Variants in HERC3 observed in about 807,000 individuals in gnomAD.
HERC3 encodes HECT and RLD domain containing E3 ubiquitin protein ligase 3, also known as probable E3 ubiquitin-protein ligase HERC3.
Under a neutral mutation model 129.9 loss-of-function variants are expected in HERC3, and 58 were observed. The observed-to-expected ratio is 0.45, with a 90% CI of 0.36 to 0.56. The LOEUF is 0.56. Among genes scored for constraint, HERC3 ranks in the 20% least tolerant of loss-of-function variants. The pLI, the probability that HERC3 is intolerant of heterozygous loss-of-function variation, is 0.00. For synonymous variants in HERC3, 430 were observed against 451.0 expected (o/e 0.95, Z 0.59); for missense variants, 835 against 1,244.2 (o/e 0.67, Z 4.95).
intron 23 of HERC3, among the ~76,000 whole-genome samples, chr4:88,687,959 T>G (rs1395630218): frequency 6.6e-6 from 1 of 152,206 alleles, no homozygotes; most frequent in Non-Finnish European, 1.5e-5. Flanking sequence ...ATCAATTTAC[T>G]TTACAAACAC....
chr4:88,662,327 G>C, intron 10 of HERC3, 104 bp from the exon 11 acceptor site: 1 of 1,168,456 alleles, frequency 8.6e-7, no homozygotes, highest in Non-Finnish European at 1.2e-6. Context: ...GCAGCATTTA[G>C]ATCATAAGTG....
chr4:88,540,921 T>C, the HERC3 span, among the ~76,000 whole-genome samples: 12 of 152,234 alleles, frequency 7.9e-5, no homozygotes, highest in South Asian at 8.3e-4. Context: ...CAGGCCTGCC[T>C]TACAAGAGCT....
chr4:88,597,636 T>C (rs1379757749), intron 2 of HERC3, among the ~76,000 whole-genome samples: 1 of 152,228 alleles, frequency 6.6e-6, no homozygotes, highest in Non-Finnish European at 1.5e-5. Flanking sequence ...GTCTCGTTGG[T>C]GTCTTTTGAA....
At position 88,707,171 on chromosome 4, in the gene HERC3, C is replaced by G. The variant is rs1470701458; in HGVS notation, c.*211C>G. Reference sequence around the variant, plus strand: ...GGTTGGGGATGGGGTGAAAAATTGGCCCTTGTATGGGAGGTGTTTTTGTTT... The same window carrying G: ...GGTTGGGGATGGGGTGAAAAATTGGGCCTTGTATGGGAGGTGTTTTTGTTT... On this transcript the variant is annotated 3_prime_UTR_variant, in exon 26 of 26. Coordinates refer to ENST00000402738, the MANE Select transcript of HERC3 (RefSeq NM_014606.3). 8.8e-6 allele frequency: 5 copies of G among 565,834 alleles called. No homozygotes were observed. The highest frequency in any genetic ancestry group is 1.6e-5 in the Non-Finnish European group (5 of 318,460). The allele number at this position is 565,834 out of a possible 1,614,324, so 35.1% of individuals were successfully genotyped here. A position where few individuals can be genotyped will look rare whatever the true frequency, so the allele number is the denominator to read the frequency against.
chr4:88,579,254 A>G, the HERC3 span, among the ~76,000 whole-genome samples: 1 of 146,594 alleles, frequency 6.8e-6, no homozygotes, highest in Non-Finnish European at 1.5e-5. Flanking sequence ...TATATATATG[A>G]AAGTTAGCCA....
chr4:88,538,312 A>G, the HERC3 span, among the ~76,000 whole-genome samples: 2 of 152,206 alleles, frequency 1.3e-5, no homozygotes, highest in Non-Finnish European at 2.9e-5. Context: ...ACTGTACACC[A>G]TGGAGTATCG....
At chr4:88,585,241 G>T in the HERC3 span, among the ~76,000 whole-genome samples, 3 of 152,202 alleles carry the variant, frequency 2.0e-5, no homozygotes, top group African/African-American at 7.2e-5. Context: ...CACCCTGGGG[G>T]TTAGGATTTC....
At chr4:88,609,969 C>T (rs1724109534) in intron 3 of HERC3, among the ~76,000 whole-genome samples, 1 of 152,140 alleles carries the variant, frequency 6.6e-6, no homozygotes, top group Middle Eastern at 3.2e-3. Context: ...TAACTTCCTG[C>T]CGTTGCCATG....
At chr4:88,543,609 A>G in the HERC3 span, among the ~76,000 whole-genome samples, 1 of 152,212 alleles carries the variant, frequency 6.6e-6, no homozygotes, top group Non-Finnish European at 1.5e-5. Flanking sequence ...GGAACCAAAA[A>G]AGAGCCTGCA....
the HERC3 span, among the ~76,000 whole-genome samples, chr4:88,554,317 C>T: frequency 6.8e-6 from 1 of 146,598 alleles, no homozygotes; most frequent in Non-Finnish European, 1.5e-5. Flanking sequence ...TGCACTCCAG[C>T]CTGGGCGACA....
chr4:88,691,113 G>A (rs1238425410), intron 23 of HERC3, among the ~76,000 whole-genome samples: 1 of 152,172 alleles, frequency 6.6e-6, no homozygotes, highest in South Asian at 2.1e-4. Context: ...CATGAAAGGT[G>A]CTCTGTAAAG....
At chr4:88,697,548 A>C in intron 23 of HERC3, 1 of 1,614,032 alleles carries the variant, frequency 6.2e-7, no homozygotes, top group Non-Finnish European at 8.5e-7. Flanking sequence ...GGCTCTCGAT[A>C]AAGTCATTTT....
At chr4:88,658,253 C>G in intron 9 of HERC3, 162 bp from the exon 10 acceptor site, 1 of 420,518 alleles carries the variant, frequency 2.4e-6, no homozygotes, top group Non-Finnish European at 4.2e-6. Flanking sequence ...GAAGTAGAAA[C>G]AGTCCTAGGC....
chr4:88,706,302 C>T (rs768630218), intron 25 of HERC3, among the ~76,000 whole-genome samples: 1 of 152,176 alleles, frequency 6.6e-6, no homozygotes, highest in Non-Finnish European at 1.5e-5. Flanking sequence ...CACAAGAGTG[C>T]AATGTCTAAC....
chr4:88,664,131 C>G lies in HERC3; in HGVS notation c.1272-22C>G. The G allele has an allele frequency of 1.9e-6, 3 of 1,601,232 alleles. No individual in the cohort carries two copies. In the African/African-American group the frequency reaches 4.0e-5, roughly 22 times the overall value. On this transcript the variant is annotated intron_variant, in intron 11 of 25. Transcript: ENST00000402738. ...ATTTGTAATTATTAAAGGCTTCCCC[C>G]TCCCTTCTTTTCTTTGAGCAGTGGT...
intron 3 of HERC3, among the ~76,000 whole-genome samples, chr4:88,623,033 C>T (rs1249469829): frequency 1.3e-5 from 2 of 152,152 alleles, no homozygotes; most frequent in Admixed American, 1.3e-4. Context: ...TAAAACAGTT[C>T]CTGGCATGTA....
At chr4:88,648,659 G>T (rs1012168500) in intron 3 of HERC3, among the ~76,000 whole-genome samples, 2 of 152,122 alleles carry the variant, frequency 1.3e-5, no homozygotes, top group Admixed American at 1.3e-4. Flanking sequence ...GGGTTCTACA[G>T]TAGGTATTTT....
At chr4:88,559,540 A>G in the HERC3 span, among the ~76,000 whole-genome samples, 1 of 152,076 alleles carries the variant, frequency 6.6e-6, no homozygotes, top group South Asian at 2.1e-4. Context: ...AGATCACGCA[A>G]TTTATTTTTT....
intron 23 of HERC3, chr4:88,697,308 C>T (rs1279746851): frequency 7.4e-6 from 12 of 1,611,376 alleles, no homozygotes; most frequent in Non-Finnish European, 1.0e-5. Flanking sequence ...CTTCCCCCTC[C>T]TCCTCGTCAT....
Sources: gnomAD v4.1 joint callset for allele counts (sites outside exome capture counted in the v4.1 genomes callset) on GRCh38, gnomAD v4.1.1 for gene constraint, MANE v1.5 for transcripts, NCBI Gene and HGNC (gene_info 2026-07-23, HGNC 2026-07-21) for gene names.